The following ATRNL1 variants were observed in gnomAD, a reference collection of about 807,000 sequenced individuals.
ATRNL1 encodes the protein attractin like 1.
In ATRNL1, 95 loss-of-function variants were observed where a neutral mutation model predicts 182.7. The observed-to-expected ratio is 0.52, with a 90% CI of 0.44 to 0.62. The LOEUF (loss-of-function observed/expected upper bound fraction) is 0.62, where lower values mean the gene tolerates loss of function less well. Ranked by LOEUF, ATRNL1 falls within the 20% of genes least tolerant of loss-of-function variation. ATRNL1 has a pLI of 0.00. For missense variants in ATRNL1, 1,471 were observed against 1,679.5 expected (o/e 0.88, Z 2.17); for synonymous variants, 576 against 568.3 (o/e 1.01, Z -0.19).
chr10:115,617,349 C>G (rs1857488653), intron 26 of ATRNL1, among the ~76,000 whole-genome samples: 1 of 146,550 alleles, frequency 6.8e-6, no homozygotes, highest in South Asian at 2.3e-4. Flanking sequence ...AAGTAACTAA[C>G]TTGGTTTTTT....
chr10:115,305,601 A>G (rs1295548670), intron 17 of ATRNL1, among the ~76,000 whole-genome samples: 2 of 152,154 alleles, frequency 1.3e-5, no homozygotes, highest in African/African-American at 2.4e-5. Flanking sequence ...GAATGAGACA[A>G]TGCGCACCTT....
At chr10:115,610,228 A>C (rs1034672042) in intron 26 of ATRNL1, among the ~76,000 whole-genome samples, 1 of 152,164 alleles carries the variant, frequency 6.6e-6, no homozygotes, top group Non-Finnish European at 1.5e-5. Flanking sequence ...CTGTTTTAGA[A>C]ACTGTGCTCT....
chr10:115,654,773 C>T (rs1860230734), intron 26 of ATRNL1, among the ~76,000 whole-genome samples: 1 of 152,080 alleles, frequency 6.6e-6, no homozygotes, highest in African/African-American at 2.4e-5. Context: ...ACCACAAATT[C>T]TTTGACATTA....
At chr10:115,115,604 T>G (rs1488801563) in intron 1 of ATRNL1, among the ~76,000 whole-genome samples, 1 of 152,072 alleles carries the variant, frequency 6.6e-6, no homozygotes, top group Non-Finnish European at 1.5e-5. Flanking sequence ...AGAAAATCTG[T>G]TTTTAAAAAA....
chr10:115,922,421 G>A (rs943450910), intron 28 of ATRNL1, among the ~76,000 whole-genome samples: 2 of 151,988 alleles, frequency 1.3e-5, no homozygotes, highest in African/African-American at 4.8e-5. Context: ...AAGCAACCAG[G>A]ATAGTTTTCA....
At chr10:115,601,930 C>T (rs1856616892) in intron 26 of ATRNL1, among the ~76,000 whole-genome samples, 1 of 150,450 alleles carries the variant, frequency 6.6e-6, no homozygotes, top group South Asian at 2.1e-4. Flanking sequence ...TCACTTTTTC[C>T]TCATTTCCCC....
intron 25 of ATRNL1, among the ~76,000 whole-genome samples, chr10:115,531,212 C>T (rs1240857667): frequency 6.6e-6 from 1 of 151,994 alleles, no homozygotes; most frequent in Non-Finnish European, 1.5e-5. Flanking sequence ...CACTGACTTC[C>T]ACAATGGTTG....
chr10:115,345,433 G>A (rs1855932965), intron 19 of ATRNL1, among the ~76,000 whole-genome samples: 1 of 152,140 alleles, frequency 6.6e-6, no homozygotes, highest in African/African-American at 2.4e-5. Context: ...CTCCTTTAGT[G>A]CCTAGAGATA....
At chr10:115,776,951 GTTC>G (rs1949142972) in intron 27 of ATRNL1, among the ~76,000 whole-genome samples, 1 of 152,140 alleles carries the variant, frequency 6.6e-6, no homozygotes, top group Non-Finnish European at 1.5e-5. Context: ...GAGGCCAGGA[GTTC>G]TTCTCAGTAC....
At chr10:115,823,979 A>G (rs7089619) in intron 27 of ATRNL1, among the ~76,000 whole-genome samples, 72,799 of 152,000 alleles carry the variant, frequency 0.48, 18,751 homozygotes, top group East Asian at 0.76. Flanking sequence ...AGACAATCCT[A>G]GTCAAAAAGA....
At chr10:115,839,351 T>C (rs1950750906) in intron 27 of ATRNL1, among the ~76,000 whole-genome samples, 1 of 152,116 alleles carries the variant, frequency 6.6e-6, no homozygotes, top group African/African-American at 2.4e-5. Flanking sequence ...AGCACAGCAT[T>C]TGAAGCAGGT....
At chr10:115,922,944 A>T (rs1589699921) in intron 28 of ATRNL1, among the ~76,000 whole-genome samples, 1 of 152,188 alleles carries the variant, frequency 6.6e-6, no homozygotes, top group African/African-American at 2.4e-5. Context: ...TAGATGGCTT[A>T]TTCTCTTCCT....
At chr10:115,736,143 ACT>A (rs1466074155) in intron 27 of ATRNL1, among the ~76,000 whole-genome samples, 7 of 152,002 alleles carry the variant, frequency 4.6e-5, no homozygotes, top group Non-Finnish European at 1.5e-5. Flanking sequence ...CCCTTCTAAG[ACT>A]CTGATTAGAT....
intron 27 of ATRNL1, among the ~76,000 whole-genome samples, chr10:115,815,415 ATGTG>A (rs367551845): frequency 2.3e-3 from 334 of 143,024 alleles, no homozygotes; most frequent in Middle Eastern, 7.1e-3. Context: ...GTGTGTGTGT[ATGTG>A]TGTGTGTGTG....
intron 25 of ATRNL1, among the ~76,000 whole-genome samples, chr10:115,527,382 A>T (rs1851277433): frequency 6.6e-6 from 1 of 152,104 alleles, no homozygotes; most frequent in Non-Finnish European, 1.5e-5. Flanking sequence ...CGGCCTTCCA[A>T]AGTGCTGAGA....
intron 27 of ATRNL1, among the ~76,000 whole-genome samples, chr10:115,822,282 G>T (rs1555090651): frequency 6.6e-6 from 1 of 152,176 alleles, no homozygotes; most frequent in East Asian, 1.9e-4. Context: ...CTAAAGCAGT[G>T]TCTAGAGGGA....
At chr10:115,674,260 A>G (rs1202661734) in intron 26 of ATRNL1, among the ~76,000 whole-genome samples, 2 of 152,188 alleles carry the variant, frequency 1.3e-5, no homozygotes, top group Admixed American at 6.6e-5. Flanking sequence ...CCCAACCATA[A>G]CAGAGAAGAT....
intron 20 of ATRNL1, among the ~76,000 whole-genome samples, chr10:115,407,985 CT>C (rs71010022): frequency 3.5e-3 from 343 of 97,680 alleles, no homozygotes; most frequent in Non-Finnish European, 5.3e-3. Context: ...ATTTGCATTT[CT>C]TTTTTTTTTT....
At chr10:115,693,618 A>T (rs935817957) in intron 26 of ATRNL1, among the ~76,000 whole-genome samples, 1 of 151,984 alleles carries the variant, frequency 6.6e-6, no homozygotes, top group Non-Finnish European at 1.5e-5. Context: ...CCTTAAAGAA[A>T]CCCAGATAGG....
Sources: gnomAD v4.1 joint callset for allele counts (sites outside exome capture counted in the v4.1 genomes callset) on GRCh38, gnomAD v4.1.1 for gene constraint, MANE v1.5 for transcripts, NCBI Gene and HGNC (gene_info 2026-07-23, HGNC 2026-07-21) for gene names.